Variants in CALN1 observed in about 807,000 individuals in gnomAD.
CALN1 encodes the protein calneuron 1.
A neutral mutation model predicts 30.6 loss-of-function variants in CALN1; 17 were observed. The ratio of observed to expected loss-of-function variants is 0.56; its 90% CI spans 0.38 to 0.83. The LOEUF is 0.83. CALN1 is among the 40% of genes least tolerant of loss of function. The pLI, the probability that CALN1 is intolerant of heterozygous loss-of-function variation, is 0.00. For synonymous variants in CALN1, 156 were observed against 131.4 expected (o/e 1.19, Z -1.28); for missense variants, 291 against 354.9 (o/e 0.82, Z 1.45).
At chr7:72,355,562 A>G (rs1369719670) in intron 2 of CALN1, among the ~76,000 whole-genome samples, 1 of 152,128 alleles carries the variant, frequency 6.6e-6, no homozygotes, top group Admixed American at 6.6e-5. Context: ...AAACAACAGA[A>G]AGCCCAAGTC....
chr7:72,228,228 T>C (rs1468937929), intron 3 of CALN1, among the ~76,000 whole-genome samples: 1 of 151,904 alleles, frequency 6.6e-6, no homozygotes, highest in Non-Finnish European at 1.5e-5. Context: ...GAGAATGTAG[T>C]GTTTCCAGGG....
rs960703016 is a variant in CALN1 at position 72,199,511 on chromosome 7, G to A, written c.244+79175C>T. 2.0e-5 allele frequency among the ~76,000 whole-genome samples: 3 copies of A among 152,144 alleles called. 1 individual carries two copies. Among genetic ancestry groups the A allele is most frequent in the Non-Finnish European group, 4.4e-5 (3 of 68,032 alleles). On this transcript the variant is annotated intron_variant, in intron 3 of 6. Coordinates refer to ENST00000395275, the MANE Select transcript of CALN1 (RefSeq NM_031468.4). ...GCTCGAGACCAGGAGTTCGAGACAAGGAGTTCAAGACCAGCTTGGGCAACA... is the reference window on the plus strand; with the variant it reads ...GCTCGAGACCAGGAGTTCGAGACAAAGAGTTCAAGACCAGCTTGGGCAACA...
At chr7:72,368,866 G>A (rs773024207) in intron 2 of CALN1, among the ~76,000 whole-genome samples, 15 of 143,486 alleles carry the variant, frequency 1.0e-4, no homozygotes, top group Non-Finnish European at 1.9e-4. Flanking sequence ...CCAGGCTGGA[G>A]TGCAGCGGCA....
chr7:71,995,161 A>G (rs557995726), intron 5 of CALN1, among the ~76,000 whole-genome samples: 1 of 151,976 alleles, frequency 6.6e-6, no homozygotes, highest in South Asian at 2.1e-4. Context: ...GCCCCTTCCT[A>G]ATTTTTTATT....
At chr7:71,967,325 A>G (rs1289286723) in intron 5 of CALN1, among the ~76,000 whole-genome samples, 1 of 152,136 alleles carries the variant, frequency 6.6e-6, no homozygotes, top group East Asian at 1.9e-4. Context: ...AATATCACAA[A>G]ACAAATACCT....
chr7:72,095,203 A>C (rs1429183308), intron 4 of CALN1, among the ~76,000 whole-genome samples: 1 of 152,212 alleles, frequency 6.6e-6, no homozygotes, highest in East Asian at 1.9e-4. Context: ...TGAGAATCAT[A>C]ATAGTTAGCA....
chr7:71,962,520 C>T (rs765426363), intron 5 of CALN1, among the ~76,000 whole-genome samples: 21 of 152,188 alleles, frequency 1.4e-4, no homozygotes, highest in East Asian at 5.8e-4. Context: ...CATTTGCTAC[C>T]GTTTGAATGG....
chr7:72,357,226 CG>C (rs1562918522), intron 2 of CALN1, among the ~76,000 whole-genome samples: 1 of 151,880 alleles, frequency 6.6e-6, no homozygotes, highest in Non-Finnish European at 1.5e-5. Context: ...TCCTGTGCTT[CG>C]GAACCAACGC....
chr7:72,147,471 T>C (rs1786846644), intron 3 of CALN1, among the ~76,000 whole-genome samples: 1 of 114,220 alleles, frequency 8.8e-6, no homozygotes, highest in African/African-American at 3.3e-5. Flanking sequence ...AAACAACAGG[T>C]GTTGGAGAGG....
Position 72,220,033 on chromosome 7 carries a change from A to C in CALN1, c.244+58653T>G, listed in dbSNP as rs764776636. Among the ~76,000 whole-genome samples, 5 of 150,122 alleles carry C rather than the reference A, an allele frequency of 3.3e-5. No individual in the cohort carries two copies. In the East Asian group the frequency reaches 9.9e-4, roughly 30 times the overall value. The stretch of plus-strand genomic sequence containing the variant: ...AAATTGGCAACAATTTTTTTTTTAT[A>C]ATTTTTTTTGTTTTATTATTATTAT... On this transcript the variant is annotated intron_variant, in intron 3 of 6. Coordinates refer to ENST00000395275, the MANE Select transcript of CALN1 (RefSeq NM_031468.4).
chr7:72,251,655 C>A (rs1245184887), intron 3 of CALN1, among the ~76,000 whole-genome samples: 1 of 152,134 alleles, frequency 6.6e-6, no homozygotes, highest in Admixed American at 6.6e-5. Context: ...CCTACCTCAG[C>A]CTCCCAAAGT....
intron 5 of CALN1, among the ~76,000 whole-genome samples, chr7:71,946,017 T>C (rs1303619856): frequency 1.3e-5 from 2 of 152,122 alleles, no homozygotes; most frequent in Non-Finnish European, 2.9e-5. Context: ...GGAATTCTGC[T>C]CAGCAGAGGC....
intron 1 of CALN1, among the ~76,000 whole-genome samples, chr7:72,407,824 G>A (rs889418600): frequency 1.3e-5 from 2 of 152,124 alleles, no homozygotes; most frequent in African/African-American, 4.8e-5. Context: ...GATGGAGGTG[G>A]GATGTGTGGA....
intron 3 of CALN1, among the ~76,000 whole-genome samples, chr7:72,175,099 AGTCTCACTCT>A (rs1287148046): frequency 6.6e-6 from 1 of 151,458 alleles, no homozygotes; most frequent in African/African-American, 2.4e-5. Flanking sequence ...TTTGAGACAG[AGTCTCACTCT>A]GTCACCCAGG....
At chr7:72,380,579 G>A (rs540575123) in intron 2 of CALN1, among the ~76,000 whole-genome samples, 1 of 152,314 alleles carries the variant, frequency 6.6e-6, no homozygotes, top group African/African-American at 2.4e-5. Context: ...CGGTGACCGT[G>A]TCTGTTTTCA....
intron 4 of CALN1, among the ~76,000 whole-genome samples, chr7:72,053,366 T>C (rs993305468): frequency 1.3e-5 from 2 of 152,222 alleles, no homozygotes; most frequent in Non-Finnish European, 2.9e-5. Flanking sequence ...TGGTAGGTGA[T>C]AGGAACTGAG....
At chr7:72,306,026 A>C (rs1223408441) in intron 2 of CALN1, among the ~76,000 whole-genome samples, 1 of 152,164 alleles carries the variant, frequency 6.6e-6, no homozygotes, top group Non-Finnish European at 1.5e-5. Flanking sequence ...CCTTGCCCAA[A>C]TTCCTATCTA....
At chr7:71,893,700 GAAAA>G (rs113985093) in intron 5 of CALN1, among the ~76,000 whole-genome samples, 1 of 136,886 alleles carries the variant, frequency 7.3e-6, no homozygotes, top group Non-Finnish European at 1.6e-5. Context: ...TGAATACAAA[GAAAA>G]AAAAAAAAGA....
intron 2 of CALN1, among the ~76,000 whole-genome samples, chr7:72,289,104 T>G (rs1432131750): frequency 6.6e-6 from 1 of 152,226 alleles, no homozygotes; most frequent in Non-Finnish European, 1.5e-5. Flanking sequence ...ATGATTTCCT[T>G]AGCACTTAAA....
Sources: allele counts gnomAD v4.1 joint callset (sites outside exome capture counted in the v4.1 genomes callset), GRCh38; gene constraint gnomAD v4.1.1; transcripts MANE v1.5; gene names NCBI Gene and HGNC (gene_info 2026-07-23, HGNC 2026-07-21).